ENTREP2: variants seen among roughly 807,000 people sequenced by gnomAD.
ENTREP2 encodes protein ENTREP2.
chr15:29,158,405 C>CTT, the ENTREP2 span, among the ~76,000 whole-genome samples: 30 of 133,162 alleles, frequency 2.3e-4, 1 homozygote, highest in Middle Eastern at 3.9e-3. Context: ...TTATCTCTGC[C>CTT]TTTTTTTTTT....
chr15:29,394,015 T>G, the ENTREP2 span, among the ~76,000 whole-genome samples: 1 of 152,068 alleles, frequency 6.6e-6, no homozygotes, highest in Non-Finnish European at 1.5e-5. Context: ...TAAGAAACTG[T>G]AAGACAAGGA....
the ENTREP2 span, among the ~76,000 whole-genome samples, chr15:29,159,352 T>C: frequency 3.3e-5 from 5 of 152,138 alleles, no homozygotes; most frequent in Non-Finnish European, 7.3e-5. Context: ...TTACAGCTCA[T>C]AAAGGCAAGG....
At chr15:29,136,924 C>T in the ENTREP2 span, 29 of 953,644 alleles carry the variant, frequency 3.0e-5, no homozygotes, top group Non-Finnish European at 4.2e-5. Flanking sequence ...CTTCCACTGC[C>T]CCTCCTCTGT....
At chr15:29,168,093 G>A in the ENTREP2 span, among the ~76,000 whole-genome samples, 1 of 152,310 alleles carries the variant, frequency 6.6e-6, no homozygotes, top group African/African-American at 2.4e-5. Context: ...AACATCGTAC[G>A]TTCTCATTGA....
chr15:29,521,130 T>C, the ENTREP2 span, among the ~76,000 whole-genome samples: 1 of 152,170 alleles, frequency 6.6e-6, no homozygotes, highest in Non-Finnish European at 1.5e-5. Context: ...AAGGATGGGA[T>C]GCTGCTACCC....
the ENTREP2 span, among the ~76,000 whole-genome samples, chr15:29,390,686 G>A: frequency 1.3e-5 from 2 of 152,128 alleles, no homozygotes; most frequent in Non-Finnish European, 2.9e-5. Flanking sequence ...TACCCTGCCT[G>A]GACACAGAGG....
chr15:29,458,918 G>A, the ENTREP2 span, among the ~76,000 whole-genome samples: 1 of 152,130 alleles, frequency 6.6e-6, no homozygotes, highest in Non-Finnish European at 1.5e-5. Flanking sequence ...GACTTATCCA[G>A]AGCTAGGACT....
At chr15:29,589,906 G>C in the ENTREP2 span, among the ~76,000 whole-genome samples, 1 of 152,156 alleles carries the variant, frequency 6.6e-6, no homozygotes. Flanking sequence ...TTGTGAGGGA[G>C]GTGATGCGTG....
At chr15:29,447,019 T>G in the ENTREP2 span, among the ~76,000 whole-genome samples, 1 of 152,090 alleles carries the variant, frequency 6.6e-6, no homozygotes, top group African/African-American at 2.4e-5. Flanking sequence ...CAACCTTAAT[T>G]CCCCTTTACC....
chr15:29,185,682 C>T, the ENTREP2 span, among the ~76,000 whole-genome samples: 3 of 152,168 alleles, frequency 2.0e-5, no homozygotes, highest in Admixed American at 2.0e-4. Flanking sequence ...CTGCCTCAGC[C>T]TCCTGAGTAG....
At chr15:29,195,284 T>A in the ENTREP2 span, 1 of 985,008 alleles carries the variant, frequency 1.0e-6, no homozygotes, top group African/African-American at 1.8e-5. Context: ...ATGAGCCGCA[T>A]CCTCTCTCTC....
the ENTREP2 span, among the ~76,000 whole-genome samples, chr15:29,359,457 G>C: frequency 6.6e-6 from 1 of 152,190 alleles, no homozygotes; most frequent in Non-Finnish European, 1.5e-5. Flanking sequence ...CTGTCCCCCA[G>C]GCTGGAGCAC....
chr15:29,334,332 G>A, the ENTREP2 span, among the ~76,000 whole-genome samples: 20 of 152,248 alleles, frequency 1.3e-4, no homozygotes, highest in South Asian at 8.3e-4. Context: ...GAGACTACGC[G>A]ACTCTTACTA....
chr15:29,370,158 C>T, the ENTREP2 span, among the ~76,000 whole-genome samples: 12 of 151,924 alleles, frequency 7.9e-5, no homozygotes, highest in Non-Finnish European at 1.5e-4. Context: ...TCAGCAATTA[C>T]ATTAAAAAAT....
the ENTREP2 span, among the ~76,000 whole-genome samples, chr15:29,274,411 T>C: frequency 6.6e-6 from 1 of 152,106 alleles, no homozygotes; most frequent in African/African-American, 2.4e-5. Flanking sequence ...TTTAACTGTA[T>C]ACTGATTCAG....
chr15:29,376,424 C>A, the ENTREP2 span: 4 of 152,180 alleles, frequency 2.6e-5, no homozygotes, highest in African/African-American at 9.6e-5. Flanking sequence ...AGACAATGAT[C>A]TCAATCATAG....
At chr15:29,267,746 G>A in the ENTREP2 span, 5 of 152,068 alleles carry the variant, frequency 3.3e-5, no homozygotes, top group African/African-American at 4.8e-5. Flanking sequence ...TTTAAAAAGT[G>A]GCAGCTCCAG....
At chr15:29,650,049 A>C in the ENTREP2 span, among the ~76,000 whole-genome samples, 2 of 152,162 alleles carry the variant, frequency 1.3e-5, no homozygotes, top group African/African-American at 4.8e-5. Flanking sequence ...GAGGACTTTT[A>C]AACACTTGAA....
the ENTREP2 span, among the ~76,000 whole-genome samples, chr15:29,399,910 CAGG>C: frequency 2.0e-5 from 3 of 151,902 alleles, no homozygotes; most frequent in Admixed American, 1.3e-4. Context: ...TGAGTAGGCT[CAGG>C]AGGAGGAGGA....
Sources: gnomAD v4.1 joint callset for allele counts (sites outside exome capture counted in the v4.1 genomes callset) on GRCh38, gnomAD v4.1.1 for gene constraint, MANE v1.5 for transcripts, NCBI Gene and HGNC (gene_info 2026-07-23, HGNC 2026-07-21) for gene names.